SLC4A10: variants seen among roughly 807,000 people sequenced by gnomAD.
The protein encoded by SLC4A10 is sodium-driven chloride bicarbonate exchanger.
Under a neutral mutation model 137.7 loss-of-function variants are expected in SLC4A10, and 42 were observed. The observed-to-expected ratio is 0.30, with a 90% CI of 0.24 to 0.39. The LOEUF (loss-of-function observed/expected upper bound fraction) is 0.39, where lower values mean the gene tolerates loss of function less well. SLC4A10 is among the 10% of genes least tolerant of loss of function. The pLI is 1.00. For missense variants in SLC4A10, 925 were observed against 1,355.0 expected, an observed-to-expected ratio of 0.68 and a Z score of 4.98; for synonymous variants, 474 against 464.1, an observed-to-expected ratio of 1.02 and a Z score of -0.27.
At chr2:161,887,559 A>C (rs931359311) in intron 10 of SLC4A10, among the ~76,000 whole-genome samples, 6 of 152,160 alleles carry the variant, frequency 3.9e-5, no homozygotes, top group Non-Finnish European at 7.3e-5. Flanking sequence ...TCTAATGACC[A>C]GTGATGATGA....
intron 2 of SLC4A10, among the ~76,000 whole-genome samples, chr2:161,787,388 T>C (rs2053745257): frequency 6.6e-6 from 1 of 152,192 alleles, no homozygotes; most frequent in South Asian, 2.1e-4. Context: ...GTCTGATGAC[T>C]ATATGCCTTG....
At chr2:161,830,670 A>G (rs1191440573) in intron 3 of SLC4A10, among the ~76,000 whole-genome samples, 1 of 152,140 alleles carries the variant, frequency 6.6e-6, no homozygotes, top group African/African-American at 2.4e-5. Flanking sequence ...AAAAAAAGCC[A>G]AAAGTGTACA....
chr2:161,900,328 T>A (rs1682777991), intron 11 of SLC4A10, among the ~76,000 whole-genome samples: 1 of 152,070 alleles, frequency 6.6e-6, no homozygotes, highest in African/African-American at 2.4e-5. Context: ...ATTTACTGGG[T>A]AGAAAAACAC....
chr2:161,916,732 A>G (rs895572549), intron 15 of SLC4A10, among the ~76,000 whole-genome samples: 1 of 151,834 alleles, frequency 6.6e-6, no homozygotes. Context: ...AGCCCTTCAC[A>G]CTGTCTTTTT....
intron 2 of SLC4A10, among the ~76,000 whole-genome samples, chr2:161,788,696 C>T (rs62190666): frequency 0.057 from 8,735 of 152,206 alleles, 351 homozygotes; most frequent in Non-Finnish European, 0.08. Flanking sequence ...CAGGGCAGAG[C>T]CTCTTCCCAG....
intron 1 of SLC4A10, among the ~76,000 whole-genome samples, chr2:161,654,005 C>G (rs749499374): frequency 2.0e-5 from 3 of 152,186 alleles, no homozygotes; most frequent in Non-Finnish European, 4.4e-5. Flanking sequence ...TTCTTACTAA[C>G]AGTGTATAAG....
rs375215466 is a variant in SLC4A10 at position 161,977,796 on chromosome 2, C to T, written c.*26+36C>T. ...CTCCCTCAAATCTATTCCTTGGTTG[C>T]ATTTCCTTATGTTAAATGGTGTCTT... On this transcript the variant is annotated intron_variant, in intron 26 of 26. Coordinates refer to ENST00000446997, the MANE Select transcript of SLC4A10 (RefSeq NM_001178015.2). 24 of 1,551,538 alleles carry T rather than the reference C, an allele frequency of 1.5e-5. No homozygotes were observed. In the African/African-American group the frequency reaches 3.4e-4, roughly 22 times the overall value.
intron 12 of SLC4A10, among the ~76,000 whole-genome samples, chr2:161,903,351 G>A (rs1260317007): frequency 6.6e-6 from 1 of 152,106 alleles, no homozygotes; most frequent in Non-Finnish European, 1.5e-5. Flanking sequence ...ATTATTATAA[G>A]GACTCCCTCC....
chr2:161,950,865 AT>A lies in SLC4A10; in HGVS notation c.2541+21del, dbSNP rs766114321. 7.7e-6 allele frequency: 12 copies of A among 1,560,398 alleles called. No individual in the cohort carries two copies. The highest frequency in any genetic ancestry group is 1.2e-5 in the South Asian group (1 of 84,022). On this transcript the variant is annotated intron_variant, in intron 19 of 26. Transcript: ENST00000446997. Reference sequence around the variant, plus strand: ...AAGCTAAAGGTATATTTTAACATCCATTTTAATGTAAATAATTATGACAACT... The same window carrying A: ...AAGCTAAAGGTATATTTTAACATCCATTTAATGTAAATAATTATGACAACT...
chr2:161,679,901 T>C (rs937241026), intron 1 of SLC4A10, among the ~76,000 whole-genome samples: 13 of 152,220 alleles, frequency 8.5e-5, no homozygotes, highest in African/African-American at 3.1e-4. Flanking sequence ...CTTCAGCCTG[T>C]CACTTAGGAC....
chr2:161,747,613 T>A (rs563823165), intron 1 of SLC4A10, among the ~76,000 whole-genome samples: 1 of 152,292 alleles, frequency 6.6e-6, no homozygotes, highest in South Asian at 2.1e-4. Context: ...ATTGGAAGGT[T>A]CTGTTTGGCC....
chr2:161,914,964 C>G, intron 15 of SLC4A10, among the ~76,000 whole-genome samples: 1 of 152,164 alleles, frequency 6.6e-6, no homozygotes, highest in Non-Finnish European at 1.5e-5. Flanking sequence ...AAAGTGGTAA[C>G]TTCCATCCCT....
intron 1 of SLC4A10, among the ~76,000 whole-genome samples, chr2:161,665,737 A>G (rs933545161): frequency 6.6e-6 from 1 of 151,356 alleles, no homozygotes; most frequent in Non-Finnish European, 1.5e-5. Context: ...CAAACTTCAC[A>G]TATAACACTG....
At chr2:161,768,555 C>T (rs540804039) in intron 1 of SLC4A10, among the ~76,000 whole-genome samples, 1 of 152,036 alleles carries the variant, frequency 6.6e-6, no homozygotes, top group Non-Finnish European at 1.5e-5. Context: ...CAAGTACGGA[C>T]ATTTATAGAA....
At chr2:161,903,126 C>T (rs1031654714) in intron 12 of SLC4A10, among the ~76,000 whole-genome samples, 2 of 152,090 alleles carry the variant, frequency 1.3e-5, no homozygotes, top group Non-Finnish European at 2.9e-5. Flanking sequence ...GCTCTCATTT[C>T]TTATAGATTT....
At chr2:161,898,211 A>G (rs944891946) in intron 11 of SLC4A10, among the ~76,000 whole-genome samples, 15 of 152,124 alleles carry the variant, frequency 9.9e-5, no homozygotes, top group Admixed American at 3.9e-4. Context: ...TTCTACGTCT[A>G]TGCTATCCAG....
At chr2:161,829,933 C>T (rs34095253) in intron 3 of SLC4A10, among the ~76,000 whole-genome samples, 72,699 of 151,806 alleles carry the variant, frequency 0.48, 18,168 homozygotes, top group East Asian at 0.59. Context: ...TTCACTACCA[C>T]GGGAACAGTA....
intron 1 of SLC4A10, among the ~76,000 whole-genome samples, chr2:161,730,782 C>A (rs1448053640): frequency 1.3e-5 from 2 of 152,144 alleles, no homozygotes; most frequent in Non-Finnish European, 1.5e-5. Flanking sequence ...AACCACATCT[C>A]AAGGCAAATT....
At chr2:161,865,265 T>C (rs2060670673) in intron 6 of SLC4A10, among the ~76,000 whole-genome samples, 1 of 152,078 alleles carries the variant, frequency 6.6e-6, no homozygotes, top group Non-Finnish European at 1.5e-5. Context: ...AAACTTCTAT[T>C]AAACATTAGA....
Sources: gnomAD v4.1 joint callset for allele counts (sites outside exome capture counted in the v4.1 genomes callset) on GRCh38, gnomAD v4.1.1 for gene constraint, MANE v1.5 for transcripts, NCBI Gene and HGNC (gene_info 2026-07-23, HGNC 2026-07-21) for gene names.